The following AFF3 variants were observed in gnomAD, a reference collection of about 807,000 sequenced individuals.
The protein encoded by AFF3 is ALF transcription elongation factor 3, also known as AF4/FMR2 family member 3.
A neutral mutation model predicts 129.7 loss-of-function variants in AFF3; 32 were observed. That is an observed-to-expected ratio of 0.25 (90% confidence interval 0.19 to 0.33). AFF3 has a LOEUF of 0.33. AFF3 is among the 10% of genes least tolerant of loss of function. AFF3 has a pLI of 1.00. For synonymous variants in AFF3, 644 were observed against 635.4 expected, an observed-to-expected ratio of 1.01 and a Z score of -0.20; for missense variants, 1,373 against 1,592.0, an observed-to-expected ratio of 0.86 and a Z score of 2.34.
In AFF3 at chr2:99,546,159, A is replaced by G. The variant is rs1181506002; in HGVS notation, c.*5315T>C. On this transcript the variant is annotated 3_prime_UTR_variant, in exon 25 of 25. Coordinates refer to ENST00000672756, the MANE Select transcript of AFF3 (RefSeq NM_001386135.1). ...CCACTTGATCCGGGTTTCTTCGAAAATGTATTACTTTTTACAAATATAATT... is the reference window on the plus strand; with the variant it reads ...CCACTTGATCCGGGTTTCTTCGAAAGTGTATTACTTTTTACAAATATAATT... The G allele has an allele frequency of 4.4e-6, 1 of 229,708 alleles. No homozygotes were observed. Among genetic ancestry groups the G allele is most frequent in the Non-Finnish European group, 8.6e-6 (1 of 115,888 alleles). The allele number at this position is 229,708 out of a possible 1,614,324, so 14.2% of individuals were successfully genotyped here.
intron 8 of AFF3, among the ~76,000 whole-genome samples, chr2:99,806,479 C>T (rs1226175717): frequency 6.6e-6 from 1 of 152,066 alleles, no homozygotes; most frequent in Non-Finnish European, 1.5e-5. Context: ...GGATGAGGAC[C>T]CCTGAACAAA....
chr2:99,830,306 T>A (rs1453207893), intron 8 of AFF3, among the ~76,000 whole-genome samples: 1 of 151,600 alleles, frequency 6.6e-6, no homozygotes, highest in African/African-American at 2.4e-5. Context: ...AAAATAAAAA[T>A]AAAAAAACAA....
chr2:99,696,828 T>C (rs1173070098), intron 11 of AFF3, among the ~76,000 whole-genome samples: 3 of 152,214 alleles, frequency 2.0e-5, no homozygotes, highest in African/African-American at 4.8e-5. Flanking sequence ...ATTTTTTTTG[T>C]AGAGATGGAG....
chr2:99,616,457 A>C (rs749770779), intron 13 of AFF3, among the ~76,000 whole-genome samples: 1 of 152,150 alleles, frequency 6.6e-6, no homozygotes, highest in Non-Finnish European at 1.5e-5. Context: ...ACCATGATCT[A>C]ATTTTAAAAC....
chr2:100,058,370 T>C (rs1686976192), intron 4 of AFF3, among the ~76,000 whole-genome samples: 1 of 152,128 alleles, frequency 6.6e-6, no homozygotes, highest in Admixed American at 6.6e-5. Flanking sequence ...AACTAGTTTT[T>C]GAGACAGTTA....
intron 11 of AFF3, 68 bp downstream of exon 11, chr2:99,727,009 T>C: frequency 2.3e-6 from 3 of 1,315,892 alleles, no homozygotes; most frequent in South Asian, 1.3e-5. Flanking sequence ...ACAAGATACT[T>C]GCACTATCTC....
chr2:99,805,813 T>TACACACACACAC (rs3072357), intron 8 of AFF3, among the ~76,000 whole-genome samples: 6,714 of 142,842 alleles, frequency 0.047, 348 homozygotes, highest in Non-Finnish European at 0.06. Flanking sequence ...GCAGGAGTCT[T>TACACACACACAC]ACACACACAC....
At chr2:100,103,697 G>A (rs1045788927) in intron 4 of AFF3, among the ~76,000 whole-genome samples, 3 of 152,020 alleles carry the variant, frequency 2.0e-5, no homozygotes, top group African/African-American at 7.3e-5. Context: ...CGAGCTGTGA[G>A]CGTGGCATAA....
At chr2:99,815,370 A>C (rs1687140025) in intron 8 of AFF3, among the ~76,000 whole-genome samples, 1 of 152,180 alleles carries the variant, frequency 6.6e-6, no homozygotes, top group African/African-American at 2.4e-5. Context: ...CATCTTCCCA[A>C]ACTGAAACTC....
At chr2:100,057,137 A>G (rs987350367) in intron 4 of AFF3, among the ~76,000 whole-genome samples, 4 of 152,072 alleles carry the variant, frequency 2.6e-5, no homozygotes, top group Admixed American at 6.5e-5. Context: ...CGTGGCCAAC[A>G]CGGTGAAACT....
intron 12 of AFF3, among the ~76,000 whole-genome samples, chr2:99,666,850 T>C (rs1227125912): frequency 6.6e-6 from 1 of 151,918 alleles, no homozygotes; most frequent in Non-Finnish European, 1.5e-5. Context: ...TCTAAGAAAA[T>C]ATAGCAATCC....
At chr2:99,929,018 A>C (rs1038934928) in intron 7 of AFF3, among the ~76,000 whole-genome samples, 1 of 152,226 alleles carries the variant, frequency 6.6e-6, no homozygotes, top group African/African-American at 2.4e-5. Flanking sequence ...ACTTTTAAAG[A>C]AGTAAAAAAA....
At position 99,746,952 on chromosome 2, in the gene AFF3, T is replaced by TA. The variant is rs879484925; in HGVS notation, c.1003-2813dup. Among the ~76,000 whole-genome samples the TA allele has an allele frequency of 5.6e-3, 798 of 142,584 alleles. 2 individuals carry two copies. Among genetic ancestry groups the TA allele is most frequent in the African/African-American group, 0.017 (649 of 39,140 alleles). The allele number at this position is 142,584 out of a possible 152,430, so 93.5% of individuals were successfully genotyped here. A position where few individuals can be genotyped will look rare whatever the true frequency, so the allele number is the denominator to read the frequency against. ...CATAGTTTCCAGCATTAAGCTTATT[T>TA]AAAAAAAAAAAAAGAAAGGAAAAAA... On this transcript the variant is annotated intron_variant, in intron 9 of 24. Transcript: ENST00000672756.
chr2:99,649,937 G>C (rs1350782174), intron 12 of AFF3, among the ~76,000 whole-genome samples: 3 of 152,196 alleles, frequency 2.0e-5, no homozygotes, highest in Non-Finnish European at 4.4e-5. Context: ...CTGTACCCAG[G>C]TAAGCTTGGA....
At chr2:99,932,806 G>A (rs558539430) in intron 7 of AFF3, among the ~76,000 whole-genome samples, 1 of 152,270 alleles carries the variant, frequency 6.6e-6, no homozygotes, top group South Asian at 2.1e-4. Context: ...ACAGAGAGGT[G>A]GCAAGGTAAA....
At chr2:99,641,822 A>G (rs561873696) in intron 13 of AFF3, among the ~76,000 whole-genome samples, 25 of 152,334 alleles carry the variant, frequency 1.6e-4, no homozygotes, top group African/African-American at 6.0e-4. Context: ...TGAGATGCTC[A>G]GTACACTACC....
chr2:99,922,090 T>C (rs2106252434), intron 7 of AFF3, among the ~76,000 whole-genome samples: 1 of 152,286 alleles, frequency 6.6e-6, no homozygotes, highest in East Asian at 1.9e-4. Context: ...AGTAACGATA[T>C]GGAGTAACTG....
intron 16 of AFF3, 37 bp from the exon 17 acceptor site, chr2:99,583,036 G>T: frequency 6.3e-7 from 1 of 1,589,466 alleles, no homozygotes. Context: ...ATGTTACAGA[G>T]TCAGCACAGG....
intron 12 of AFF3, among the ~76,000 whole-genome samples, chr2:99,672,199 C>T (rs1365204539): frequency 2.1e-4 from 7 of 32,838 alleles, no homozygotes; most frequent in African/African-American, 1.6e-3. Context: ...CACACACACA[C>T]ACACACACAC....
Sources: allele counts gnomAD v4.1 joint callset (sites outside exome capture counted in the v4.1 genomes callset), GRCh38; gene constraint gnomAD v4.1.1; transcripts MANE v1.5; gene names NCBI Gene and HGNC (gene_info 2026-07-23, HGNC 2026-07-21).